Variants in FGF13 observed in about 807,000 individuals in gnomAD.
FGF13 encodes the protein fibroblast growth factor 13.
In FGF13, 2 loss-of-function variants were observed where a neutral mutation model predicts 19.5. The ratio of observed to expected loss-of-function variants is 0.10; its 90% confidence interval spans 0.04 to 0.32. The LOEUF is 0.32. Ranked by LOEUF, FGF13 falls within the 10% of genes least tolerant of loss-of-function variation. The probability of loss-of-function intolerance (pLI) is 1.00; values close to 1 mark genes in which losing one functional copy is unlikely to be tolerated. For synonymous variants in FGF13, 72 were observed against 76.9 expected (o/e 0.94, Z 0.33); for missense variants, 113 against 192.7 (o/e 0.59, Z 2.45).
At chrX:139,004,478 T>C (rs969754233) in intron 1 of FGF13, among the ~76,000 whole-genome samples, 4 of 112,239 alleles carry the variant, frequency 3.6e-5, no homozygotes, top group Non-Finnish European at 7.5e-5. Context: ...GCTCCCACAG[T>C]GCAGTGGTGG....
At chrX:139,159,329 C>T (rs2084007791) in intron 1 of FGF13, among the ~76,000 whole-genome samples, 3 of 111,510 alleles carry the variant, frequency 2.7e-5, no homozygotes, top group Admixed American at 1.9e-4. Context: ...CTGAAGGAAG[C>T]ACTAAATATG....
chrX:138,875,132 T>A (rs1359399320), intron 1 of FGF13, among the ~76,000 whole-genome samples: 1 of 106,814 alleles, frequency 9.4e-6, no homozygotes, highest in Non-Finnish European at 1.9e-5. Context: ...CTCAGGAGGC[T>A]GAGGCAGGAG....
At chrX:139,068,912 C>G (rs868391758) in intron 1 of FGF13, among the ~76,000 whole-genome samples, 24 of 110,180 alleles carry the variant, frequency 2.2e-4, no homozygotes, top group African/African-American at 6.3e-4. Context: ...ACCACAATGA[C>G]ATACCATCTC....
At chrX:138,738,014 A>G (rs1292253729) in intron 1 of FGF13, among the ~76,000 whole-genome samples, 1 of 112,224 alleles carries the variant, frequency 8.9e-6, no homozygotes, top group Non-Finnish European at 1.9e-5. Context: ...TTTCTCTCTC[A>G]ATTTTATGGG....
intron 1 of FGF13, among the ~76,000 whole-genome samples, chrX:139,191,931 C>T (rs1282911393): frequency 9.0e-6 from 1 of 111,448 alleles, no homozygotes; most frequent in Non-Finnish European, 1.9e-5. Context: ...GCTAGGATTG[C>T]CATCTCTGAA....
At chrX:138,821,050 G>A (rs973905149) in intron 3 of FGF13, among the ~76,000 whole-genome samples, 2 of 111,436 alleles carry the variant, frequency 1.8e-5, no homozygotes, top group African/African-American at 6.5e-5. Context: ...GACCAGATAT[G>A]TGATTTACCA....
upstream of FGF13, chrX:138,711,771 G>A (rs1249891078): frequency 8.0e-6 from 5 of 624,280 alleles, no homozygotes; most frequent in Admixed American, 9.8e-5. Flanking sequence ...GGCTGAGCCC[G>A]TAGGCTCGGA....
At chrX:139,143,623 T>C (rs951110792) in intron 1 of FGF13, among the ~76,000 whole-genome samples, 2 of 111,661 alleles carry the variant, frequency 1.8e-5, no homozygotes, top group African/African-American at 6.5e-5. Flanking sequence ...TTAGGGAAGA[T>C]GTCCCCCATT....
rs192082749 is a variant in FGF13 at position 139,041,789 on chromosome X, G to A, written c.-113+161627C>T. 4.5e-5 allele frequency among the ~76,000 whole-genome samples: 5 copies of A among 111,882 alleles called. No homozygotes were observed. In the East Asian group the frequency reaches 1.1e-3, roughly 25 times the overall value. On this transcript the variant is annotated intron_variant, in intron 1 of 2. Coordinates refer to the FGF13 transcript ENST00000421460. The stretch of plus-strand genomic sequence containing the variant: ...CACACCAACTTGAATTTAATTTAAT[G>A]TATAAGATGGCATTTGAACACAACA...
At chrX:139,081,741 T>TG (rs1556356402) in intron 1 of FGF13, among the ~76,000 whole-genome samples, 1 of 111,287 alleles carries the variant, frequency 9.0e-6, no homozygotes, top group African/African-American at 3.3e-5. Context: ...TCTCTCTCTC[T>TG]TATGTGTTGC....
intron 1 of FGF13, among the ~76,000 whole-genome samples, chrX:138,952,587 T>G (rs1259596710): frequency 9.0e-6 from 1 of 110,934 alleles, no homozygotes; most frequent in African/African-American, 3.3e-5. Context: ...GGGATCTAAT[T>G]AAACTAAAGA....
At chrX:139,056,389 CG>C (rs2092320673) in intron 1 of FGF13, among the ~76,000 whole-genome samples, 1 of 111,896 alleles carries the variant, frequency 8.9e-6, no homozygotes, top group African/African-American at 3.2e-5. Context: ...ATAGCAAGAC[CG>C]GCCCAGGGCA....
At chrX:138,916,948 G>T (rs2091620774) in intron 1 of FGF13, among the ~76,000 whole-genome samples, 1 of 111,675 alleles carries the variant, frequency 9.0e-6, no homozygotes, top group Non-Finnish European at 1.9e-5. Context: ...ATGGATGGAG[G>T]GAGCACGAGT....
chrX:138,641,217 G>C (rs190222273), intron 3 of FGF13, among the ~76,000 whole-genome samples: 14 of 112,226 alleles, frequency 1.2e-4, no homozygotes, highest in Non-Finnish European at 2.4e-4. Context: ...TTATGAGTAG[G>C]CATTTAAAGA....
At chrX:138,919,236 A>G (rs1488939346) in intron 1 of FGF13, among the ~76,000 whole-genome samples, 1 of 112,004 alleles carries the variant, frequency 8.9e-6, no homozygotes, top group Non-Finnish European at 1.9e-5. Context: ...CTAATAATTT[A>G]AAAAAGAACT....
At chrX:138,775,731 G>A (rs1030523723) in intron 3 of FGF13, among the ~76,000 whole-genome samples, 5 of 112,375 alleles carry the variant, frequency 4.4e-5, no homozygotes, top group Admixed American at 1.9e-4. Flanking sequence ...CTTTCCCATC[G>A]TGATAGAAGA....
intron 3 of FGF13, among the ~76,000 whole-genome samples, chrX:138,804,464 T>G (rs1424069728): frequency 8.9e-6 from 1 of 112,201 alleles, no homozygotes; most frequent in African/African-American, 3.2e-5. Flanking sequence ...CAATCATTAT[T>G]TGGAGCCATT....
chrX:139,179,277 A>T (rs1276430127), intron 1 of FGF13, among the ~76,000 whole-genome samples: 1 of 111,866 alleles, frequency 8.9e-6, no homozygotes, highest in Non-Finnish European at 1.9e-5. Flanking sequence ...CTCCCATTAC[A>T]TGTCTTCAAA....
intron 3 of FGF13, among the ~76,000 whole-genome samples, chrX:138,649,571 G>A (rs1244515969): frequency 8.9e-6 from 1 of 112,102 alleles, no homozygotes; most frequent in African/African-American, 3.2e-5. Context: ...CCTCGGCCCT[G>A]TCATGGATCC....
Sources: allele counts gnomAD v4.1 joint callset (sites outside exome capture counted in the v4.1 genomes callset), GRCh38; gene constraint gnomAD v4.1.1; transcripts MANE v1.5; gene names NCBI Gene and HGNC (gene_info 2026-07-23, HGNC 2026-07-21).